KLHL28: variants seen among roughly 807,000 people sequenced by gnomAD.
KLHL28 encodes kelch like family member 28.
In KLHL28, 22 loss-of-function variants were observed where a neutral mutation model predicts 48.3. The ratio of observed to expected loss-of-function variants is 0.46; its 90% CI spans 0.33 to 0.65. KLHL28 has a LOEUF of 0.65. Among genes scored for constraint, KLHL28 ranks in the 30% least tolerant of loss-of-function variants. The probability of loss-of-function intolerance (pLI) is 0.03; values close to 1 mark genes in which losing one functional copy is unlikely to be tolerated. For missense variants in KLHL28, 527 were observed against 704.3 expected (o/e 0.75, Z 2.85); for synonymous variants, 243 against 242.4 (o/e 1.00, Z -0.02).
intron 2 of KLHL28, among the ~76,000 whole-genome samples, chr14:44,938,490 G>A (rs1478252801): frequency 6.6e-6 from 1 of 151,908 alleles, no homozygotes; most frequent in African/African-American, 2.4e-5. Flanking sequence ...TCCTGCCTCA[G>A]CCTCCCGAGT....
At chr14:44,951,343 C>T (rs1409586060) in intron 1 of KLHL28, among the ~76,000 whole-genome samples, 2 of 152,204 alleles carry the variant, frequency 1.3e-5, no homozygotes, top group Non-Finnish European at 2.9e-5. Context: ...TGTCAAGCCA[C>T]GGATAAGCTG....
At chr14:44,937,841 C>T (rs1024899076) in intron 2 of KLHL28, among the ~76,000 whole-genome samples, 3 of 152,070 alleles carry the variant, frequency 2.0e-5, no homozygotes, top group African/African-American at 4.8e-5. Flanking sequence ...AAATGGCAGC[C>T]GGACTTATCC....
chr14:44,937,788 G>T (rs1420845701), intron 2 of KLHL28, among the ~76,000 whole-genome samples: 1 of 152,172 alleles, frequency 6.6e-6, no homozygotes, highest in Non-Finnish European at 1.5e-5. Context: ...CATGGTAGAA[G>T]ACATCACATG....
chr14:44,924,953 T>C lies in KLHL28; in HGVS notation c.*4075A>G, dbSNP rs1027824490. On this transcript the variant is annotated 3_prime_UTR_variant, in exon 5 of 5. Transcript: ENST00000396128. Reference sequence around the variant, plus strand: ...CCTATTGTATTAAAAATGTATTGTATTCCTCACTCTTTTCAAATGTGTATC... The same window carrying C: ...CCTATTGTATTAAAAATGTATTGTACTCCTCACTCTTTTCAAATGTGTATC... 9 of 152,604 alleles carry C rather than the reference T, an allele frequency of 5.9e-5. No homozygotes were observed. Among genetic ancestry groups the C allele is most frequent in the African/African-American group, 1.7e-4 (7 of 41,458 alleles). The allele number at this position is 152,604 out of a possible 1,614,324, so 9.5% of individuals were successfully genotyped here.
At chr14:44,935,941 A>G (rs1305665838) in intron 2 of KLHL28, among the ~76,000 whole-genome samples, 1 of 86,698 alleles carries the variant, frequency 1.2e-5, no homozygotes, top group African/African-American at 3.4e-5. Context: ...AAAAGTAGCT[A>G]ATGTCCCCAA....
rs879825991 is a variant in KLHL28, at chr14:44,927,466, G to A, written c.*1562C>T. The A allele has an allele frequency of 1.3e-5, 2 of 150,402 alleles. No homozygotes were observed. Among genetic ancestry groups the A allele is most frequent in the Non-Finnish European group, 1.5e-5 (1 of 67,748 alleles). 9.3% of individuals were successfully genotyped at this position (150,402 alleles called of 1,614,324 possible). ...CTTGCAGAGACTTTATAAGGAGATCGCAAACAGGTTTAAAAAAAATCAAGG... is the reference window on the plus strand; with the variant it reads ...CTTGCAGAGACTTTATAAGGAGATCACAAACAGGTTTAAAAAAAATCAAGG... On this transcript the variant is annotated 3_prime_UTR_variant, in exon 5 of 5. Coordinates refer to ENST00000396128, the MANE Select transcript of KLHL28 (RefSeq NM_017658.5).
chr14:44,932,544 G>A lies in KLHL28; in HGVS notation c.1344-1003C>T, dbSNP rs183061909. Among the ~76,000 whole-genome samples the A allele has an allele frequency of 4.6e-5, 7 of 152,208 alleles. No individual in the cohort carries two copies. In the East Asian group the frequency reaches 1.2e-3, roughly 25 times the overall value. On this transcript the variant is annotated intron_variant, in intron 3 of 4. Coordinates refer to ENST00000396128, the MANE Select transcript of KLHL28 (RefSeq NM_017658.5). ...TCTGAAGGTGCACAAAGGCACAGAGGTAAGATTGTTGGGCTTGTTCTGGCC... is the reference window on the plus strand; with the variant it reads ...TCTGAAGGTGCACAAAGGCACAGAGATAAGATTGTTGGGCTTGTTCTGGCC...
At chr14:44,955,941 G>A (rs757560272) in intron 1 of KLHL28, among the ~76,000 whole-genome samples, 9 of 152,108 alleles carry the variant, frequency 5.9e-5, no homozygotes, top group African/African-American at 1.9e-4. Flanking sequence ...TTGATTAAAC[G>A]ATATCAGATA....
At chr14:44,934,985 G>A (rs188821590) in intron 2 of KLHL28, among the ~76,000 whole-genome samples, 12 of 152,232 alleles carry the variant, frequency 7.9e-5, no homozygotes, top group Non-Finnish European at 1.8e-4. Flanking sequence ...TCCTGTCTGA[G>A]CAACTCTACT....
intron 1 of KLHL28, among the ~76,000 whole-genome samples, chr14:44,956,811 G>A (rs1302513117): frequency 6.6e-6 from 1 of 152,054 alleles, no homozygotes; most frequent in Non-Finnish European, 1.5e-5. Context: ...CTAAATAGTG[G>A]TATTGTGGTT....
At chr14:44,949,279 G>C (rs563152444) in intron 1 of KLHL28, among the ~76,000 whole-genome samples, 1 of 152,204 alleles carries the variant, frequency 6.6e-6, no homozygotes, top group African/African-American at 2.4e-5. Flanking sequence ...AGAAGATGTA[G>C]AGATCTTTAG....
intron 2 of KLHL28, among the ~76,000 whole-genome samples, chr14:44,943,547 C>T (rs1385288938): frequency 2.0e-5 from 3 of 152,124 alleles, no homozygotes; most frequent in African/African-American, 7.2e-5. Flanking sequence ...ATCTCAGCTA[C>T]TTGGGAGGCT....
chr14:44,946,589 C>T (rs900115306), intron 1 of KLHL28, among the ~76,000 whole-genome samples: 19 of 141,694 alleles, frequency 1.3e-4, no homozygotes, highest in African/African-American at 5.0e-4. Flanking sequence ...TGGAATCTCA[C>T]TCTGTCGCCC....
At chr14:44,948,611 G>A (rs1201678759) in intron 1 of KLHL28, among the ~76,000 whole-genome samples, 9 of 152,104 alleles carry the variant, frequency 5.9e-5, no homozygotes, top group Admixed American at 2.6e-4. Context: ...TAGTACTTAC[G>A]TCTCACTGTA....
chr14:44,934,573 G>A lies in KLHL28; in HGVS notation c.900-15C>T, dbSNP rs754279350. 1.3e-6 allele frequency: 2 copies of A among 1,515,868 alleles called. No homozygotes were observed. The highest frequency in any genetic ancestry group is 2.3e-5 in the East Asian group (1 of 43,558). 93.9% of individuals were successfully genotyped at this position (1,515,868 alleles called of 1,614,324 possible). On this transcript the variant is annotated splice_polypyrimidine_tract_variant and intron_variant, in intron 2 of 4. Transcript: ENST00000396128. ...ACATCTCCACACTAAAGAATAAGCA[G>A]AAAAAATATAAAATTTAAAAACCAA... is the stretch of plus-strand genomic sequence containing the variant.
rs181100001 is a variant in KLHL28 at position 44,931,255 on chromosome 14, C to T, written c.1552+78G>A. ...CAAGTAATATTCCTACTGCTATATT[C>T]CAAGGAACTATTATTGCAAGCACAT... On this transcript the variant is annotated intron_variant, in intron 4 of 4. Transcript: ENST00000396128. 4.0e-4 allele frequency: 318 copies of T among 798,654 alleles called. No homozygotes were observed. The African/African-American group carries it at 4.8e-3, about 12-fold the overall frequency. 49.5% of individuals were successfully genotyped at this position (798,654 alleles called of 1,614,324 possible). A position where few individuals can be genotyped will look rare whatever the true frequency, so the allele number is the denominator to read the frequency against.
Position 44,931,507 on chromosome 14 carries a change from C to T in KLHL28, c.1378G>A (p.Glu460Lys). The change falls in exon 4 of 5, where the codon GAG becomes AAG. Residue 460 changes from glutamate to lysine, a missense_variant. Physicochemically the swap from Glu to Lys is moderately conservative, Grantham distance 56. Coordinates refer to ENST00000396128, the MANE Select transcript of KLHL28 (RefSeq NM_017658.5). ...ERYDPSKDSW[E>K]MVASMADKRI... Reference sequence around the variant, plus strand: ...TTATCTGCCATGGATGCAACCATCTCCCAGGAGTCCTTACTTGGATCATAA... The same window carrying T: ...TTATCTGCCATGGATGCAACCATCTTCCAGGAGTCCTTACTTGGATCATAA... 6.2e-7 allele frequency: 1 copy of T among 1,613,904 alleles called. No homozygotes were observed. Among genetic ancestry groups the T allele is most frequent in the Non-Finnish European group, 8.5e-7 (1 of 1,179,896 alleles).
rs1392307444 is a variant in KLHL28 at position 44,945,702 on chromosome 14, A to G, written c.227T>C (p.Val76Ala). ...GNLSEKENSE[V>A]EFQCIDETAL... ...AGTTTCATCAATGCATTGAAACTCA[A>G]CCTCACTGTTCTCTTTTTCAGAAAG... The change falls in exon 2 of 5, where the codon GTT (valine) becomes GCT (alanine). Residue 76 changes from valine to alanine, a missense_variant. By Grantham distance (64) the Val-to-Ala change is moderately conservative (BLOSUM62 0). Transcript: ENST00000396128. 1 of 1,614,184 alleles carries G rather than the reference A, an allele frequency of 6.2e-7. No homozygotes were observed. Among genetic ancestry groups the G allele is most frequent in the Non-Finnish European group, 8.5e-7 (1 of 1,180,028 alleles).
intron 1 of KLHL28, among the ~76,000 whole-genome samples, chr14:44,958,362 A>G (rs1445043336): frequency 1.3e-5 from 2 of 151,938 alleles, no homozygotes; most frequent in East Asian, 3.9e-4. Context: ...CCCAGAGTAA[A>G]TAAATGGTGA....
Sources: allele counts gnomAD v4.1 joint callset (sites outside exome capture counted in the v4.1 genomes callset), GRCh38; gene constraint gnomAD v4.1.1; transcripts MANE v1.5; gene names NCBI Gene and HGNC (gene_info 2026-07-23, HGNC 2026-07-21).